The following COBLL1 variants were observed in gnomAD, a reference collection of about 807,000 sequenced individuals.
COBLL1 encodes the protein cordon-bleu protein-like 1.
Under a neutral mutation model 94.8 loss-of-function variants are expected in COBLL1, and 50 were observed. The observed-to-expected ratio is 0.53, with a 90% confidence interval of 0.42 to 0.67. The LOEUF is 0.67. Ranked by LOEUF, COBLL1 falls within the 30% of genes least tolerant of loss-of-function variation. The pLI is 0.00. For synonymous variants in COBLL1, 448 were observed against 473.8 expected (o/e 0.95, Z 0.71); for missense variants, 1,362 against 1,348.7 (o/e 1.01, Z -0.15).
chr2:164,753,634 G>T (rs1687237057), intron 2 of COBLL1, among the ~76,000 whole-genome samples: 1 of 152,040 alleles, frequency 6.6e-6, no homozygotes, highest in Admixed American at 6.6e-5. Context: ...GTGACTGAGG[G>T]ACTACAGTTT....
At chr2:164,735,821 T>G (rs1168071395) in intron 3 of COBLL1, among the ~76,000 whole-genome samples, 3 of 152,208 alleles carry the variant, frequency 2.0e-5, no homozygotes, top group African/African-American at 7.2e-5. Flanking sequence ...ACAGAAAAGA[T>G]GCCTGTCTTC....
chr2:164,717,538 T>C (rs1043774328), intron 7 of COBLL1, among the ~76,000 whole-genome samples: 1 of 152,176 alleles, frequency 6.6e-6, no homozygotes, highest in Non-Finnish European at 1.5e-5. Context: ...ATAAACCACA[T>C]TTTTACTATT....
chr2:164,808,636 T>A (rs1039361821), intron 2 of COBLL1, among the ~76,000 whole-genome samples: 5 of 152,236 alleles, frequency 3.3e-5, no homozygotes, highest in African/African-American at 1.2e-4. Context: ...TTAGCTAGTC[T>A]GACATTATTT....
chr2:164,744,188 G>A (rs1436567443), intron 2 of COBLL1, among the ~76,000 whole-genome samples: 1 of 152,116 alleles, frequency 6.6e-6, no homozygotes, highest in East Asian at 1.9e-4. Flanking sequence ...AGAGGAAAAT[G>A]TATTTTCTTT....
chr2:164,774,573 G>A (rs1346989858), intron 2 of COBLL1, among the ~76,000 whole-genome samples: 2 of 152,190 alleles, frequency 1.3e-5, no homozygotes, highest in Non-Finnish European at 2.9e-5. Flanking sequence ...TTCACTGACA[G>A]AAGCATTATT....
chr2:164,755,011 A>T (rs1211175571), intron 2 of COBLL1, among the ~76,000 whole-genome samples: 3 of 152,078 alleles, frequency 2.0e-5, no homozygotes, highest in Admixed American at 6.6e-5. Context: ...AAACAAATTT[A>T]AAAAATAGCC....
In COBLL1 at chr2:164,687,213, C is replaced by CTTTTTTTTTTTTTTT. The variant is rs879090827; in HGVS notation, c.3301-1182_3301-1181insAAAAAAAAAAAAAAA. 1.1e-4 allele frequency: 36 copies of CTTTTTTTTTTTTTTT among 317,702 alleles called. 1 individual carries two copies. The highest frequency in any genetic ancestry group is 8.5e-4 in the African/African-American group (36 of 42,312). 19.7% of individuals were successfully genotyped at this position (317,702 alleles called of 1,614,324 possible). A position where few individuals can be genotyped will look rare whatever the true frequency, so the allele number is the denominator to read the frequency against. ...CAAATGACAGGTAATGACTTTCTTTCTTTTTTTTTTTTTTGGAGAGGAAGT... is the reference window on the plus strand; with the variant it reads ...CAAATGACAGGTAATGACTTTCTTTCTTTTTTTTTTTTTTTTTTTTTTTTTTTTTGGAGAGGAAGT... On this transcript the variant is annotated intron_variant, in intron 13 of 13. Coordinates refer to ENST00000652658, the MANE Select transcript of COBLL1 (RefSeq NM_001365672.2).
At position 164,805,312 on chromosome 2, in the gene COBLL1, T is replaced by C. The variant is rs1032718390; in HGVS notation, c.41+35844A>G. 2.2e-4 allele frequency among the ~76,000 whole-genome samples: 9 copies of C among 41,828 alleles called. 1 individual carries two copies. Among genetic ancestry groups the C allele is most frequent in the Non-Finnish European group, 4.2e-4 (9 of 21,508 alleles). The allele number at this position is 41,828 out of a possible 152,430, so 27.4% of individuals were successfully genotyped here. A position where few individuals can be genotyped will look rare whatever the true frequency, so the allele number is the denominator to read the frequency against. Reference sequence around the variant, plus strand: ...GTCTCTCTCTCTCTCTCTCTCTCTCTCTCTCTCTCTCTCTCTCTCTCTCTC... The same window carrying C: ...GTCTCTCTCTCTCTCTCTCTCTCTCCCTCTCTCTCTCTCTCTCTCTCTCTC... On this transcript the variant is annotated intron_variant, in intron 2 of 13. Coordinates refer to ENST00000652658, the MANE Select transcript of COBLL1 (RefSeq NM_001365672.2).
At chr2:164,780,926 ACAGGCAC>A (rs1688697363) in intron 2 of COBLL1, among the ~76,000 whole-genome samples, 1 of 152,192 alleles carries the variant, frequency 6.6e-6, no homozygotes, top group South Asian at 2.1e-4. Context: ...CAACTTTAGA[ACAGGCAC>A]CTTTAAGAAT....
At chr2:164,815,539 GT>G (rs907093589) in intron 2 of COBLL1, among the ~76,000 whole-genome samples, 9 of 152,050 alleles carry the variant, frequency 5.9e-5, no homozygotes, top group African/African-American at 2.2e-4. Flanking sequence ...CTTAATCTCA[GT>G]TAAGAAAATT....
At chr2:164,714,465 G>C (rs1419547194) in intron 7 of COBLL1, among the ~76,000 whole-genome samples, 1 of 151,812 alleles carries the variant, frequency 6.6e-6, no homozygotes, top group Non-Finnish European at 1.5e-5. Flanking sequence ...ATGATTCCCT[G>C]TGATCACAGT....
chr2:164,668,269 C>T (rs957839051), intron 1 of COBLL1, among the ~76,000 whole-genome samples: 1 of 152,134 alleles, frequency 6.6e-6, no homozygotes, highest in African/African-American at 2.4e-5. Flanking sequence ...CAGCCTGTCT[C>T]GGCTTTTGAC....
intron 9 of COBLL1, among the ~76,000 whole-genome samples, chr2:164,701,902 G>T (rs1247195429): frequency 8.6e-5 from 13 of 150,708 alleles, no homozygotes; most frequent in African/African-American, 2.0e-4. Context: ...TGGGAGGGGG[G>T]GGCGGGGTGG....
chr2:164,829,207 T>C (rs1274122024), intron 2 of COBLL1, among the ~76,000 whole-genome samples: 1 of 152,316 alleles, frequency 6.6e-6, no homozygotes, highest in East Asian at 1.9e-4. Flanking sequence ...ATATAGTCTT[T>C]GGCAGAAAAC....
chr2:164,670,642 T>C (rs1691227893), intron 1 of COBLL1, among the ~76,000 whole-genome samples: 2 of 152,194 alleles, frequency 1.3e-5, no homozygotes, highest in South Asian at 4.1e-4. Flanking sequence ...TTTTTAAAAA[T>C]TCAAGTTAAA....
rs1683230653 is a variant in COBLL1 at position 164,685,487 on chromosome 2, A to G, written c.*459T>C. ...CACTAGTTTTCTAAATCATTCTTTC[A>G]GCCCAAAACAGGCTTTCATATAACT... On this transcript the variant is annotated 3_prime_UTR_variant, in exon 14 of 14. Coordinates refer to ENST00000652658, the MANE Select transcript of COBLL1 (RefSeq NM_001365672.2). The G allele has an allele frequency of 6.6e-6, 1 of 152,476 alleles. No homozygotes were observed. The highest frequency in any genetic ancestry group is 2.1e-4 in the South Asian group (1 of 4,836). The allele number at this position is 152,476 out of a possible 1,614,324, so 9.4% of individuals were successfully genotyped here. A position where few individuals can be genotyped will look rare whatever the true frequency, so the allele number is the denominator to read the frequency against.
chr2:164,772,602 T>G (rs1371261587), intron 2 of COBLL1, among the ~76,000 whole-genome samples: 4 of 152,092 alleles, frequency 2.6e-5, no homozygotes, highest in Non-Finnish European at 4.4e-5. Flanking sequence ...GAAGAAATAC[T>G]TTATACCACA....
chr2:164,842,071 G>A (rs1405542137), upstream of COBLL1: 3 of 1,474,664 alleles, frequency 2.0e-6, no homozygotes, highest in African/African-American at 1.4e-5. Flanking sequence ...GCGAGCCGGA[G>A]AGAGGAACGG....
chr2:164,714,385 A>C (rs1248003422), intron 7 of COBLL1, among the ~76,000 whole-genome samples: 1 of 151,912 alleles, frequency 6.6e-6, no homozygotes, highest in Non-Finnish European at 1.5e-5. Context: ...AAAAAAAAAA[A>C]AAAACCAGGA....
Sources: gnomAD v4.1 joint callset for allele counts (sites outside exome capture counted in the v4.1 genomes callset) on GRCh38, gnomAD v4.1.1 for gene constraint, MANE v1.5 for transcripts, NCBI Gene and HGNC (gene_info 2026-07-23, HGNC 2026-07-21) for gene names.